Variants in XPR1 observed in about 807,000 individuals in gnomAD.
The protein encoded by XPR1 is xenotropic and polytropic retrovirus receptor 1.
Under a neutral mutation model 87.5 loss-of-function variants are expected in XPR1, and 28 were observed. That is an observed-to-expected ratio of 0.32 (90% CI 0.24 to 0.44). XPR1 has a LOEUF of 0.44. XPR1 is among the 20% of genes least tolerant of loss of function. XPR1 has a pLI of 1.00. For missense variants in XPR1, 559 were observed against 862.3 expected (o/e 0.65, Z 4.41); for synonymous variants, 300 against 306.1 (o/e 0.98, Z 0.21).
chr1:180,817,747 C>T (rs570575662), intron 7 of XPR1, among the ~76,000 whole-genome samples: 1 of 152,060 alleles, frequency 6.6e-6, no homozygotes, highest in Non-Finnish European at 1.5e-5. Flanking sequence ...ACATGGAGTT[C>T]AAAAAACAGG....
At chr1:180,715,370 C>G (rs1164302776) in intron 2 of XPR1, among the ~76,000 whole-genome samples, 1 of 152,084 alleles carries the variant, frequency 6.6e-6, no homozygotes, top group Admixed American at 6.5e-5. Flanking sequence ...CATGCTATAA[C>G]GAATCTTGGA....
At chr1:180,805,438 A>G (rs1033234484) in intron 4 of XPR1, among the ~76,000 whole-genome samples, 2 of 152,202 alleles carry the variant, frequency 1.3e-5, no homozygotes, top group African/African-American at 4.8e-5. Context: ...AGGGACTTCT[A>G]CCCATTATAA....
At chr1:180,664,706 C>T (rs182903794) in intron 1 of XPR1, among the ~76,000 whole-genome samples, 2 of 152,320 alleles carry the variant, frequency 1.3e-5, no homozygotes, top group South Asian at 2.1e-4. Context: ...TAGCACAGCA[C>T]AGGGTCCTGC....
chr1:180,851,084 C>A (rs1256402632), intron 11 of XPR1, among the ~76,000 whole-genome samples: 6 of 151,790 alleles, frequency 4.0e-5, no homozygotes, highest in Non-Finnish European at 7.4e-5. Flanking sequence ...GGCAGAAACA[C>A]ATAGTTTATC....
intron 1 of XPR1, among the ~76,000 whole-genome samples, chr1:180,650,350 C>T (rs561200019): frequency 1.3e-5 from 2 of 152,256 alleles, no homozygotes; most frequent in East Asian, 1.9e-4. Context: ...ATCCTCCTGC[C>T]TCAGCTTCCT....
intron 2 of XPR1, among the ~76,000 whole-genome samples, chr1:180,744,654 C>CTTTTTTTTTTTTTTTTTTTTTTTTTT (rs71121048): frequency 9.8e-6 from 1 of 102,396 alleles, no homozygotes; most frequent in African/African-American, 4.0e-5. Context: ...CAATTTCTTT[C>CTTTTTTTTTTTTTTTTTTTTTTTTTT]TTTTTTTTTT....
chr1:180,849,815 G>A (rs1651805673), intron 11 of XPR1, among the ~76,000 whole-genome samples: 1 of 152,082 alleles, frequency 6.6e-6, no homozygotes, highest in South Asian at 2.1e-4. Flanking sequence ...TTCATAGAGA[G>A]GAATGAGAAA....
chr1:180,829,835 A>G (rs1205194683), intron 9 of XPR1, among the ~76,000 whole-genome samples: 1 of 147,874 alleles, frequency 6.8e-6, no homozygotes. Flanking sequence ...TTTTTTTTAA[A>G]TTTTCATGTC....
At chr1:180,632,896 A>G (rs566840368) in intron 1 of XPR1, among the ~76,000 whole-genome samples, 6 of 152,360 alleles carry the variant, frequency 3.9e-5, no homozygotes, top group African/African-American at 1.4e-4. Flanking sequence ...GTTGTAATCA[A>G]CTATTCTGCT....
intron 1 of XPR1, among the ~76,000 whole-genome samples, chr1:180,648,174 G>A (rs1655181808): frequency 1.3e-5 from 2 of 152,144 alleles, no homozygotes; most frequent in Admixed American, 1.3e-4. Context: ...ACAAATTATT[G>A]TAATTCAGTT....
At chr1:180,877,899 G>A (rs896339619) in intron 13 of XPR1, 2 of 147,800 alleles carry the variant, frequency 1.4e-5, no homozygotes, top group South Asian at 2.2e-4. Context: ...CAAATAAGAC[G>A]ATATAAAGAT....
intron 12 of XPR1, among the ~76,000 whole-genome samples, chr1:180,864,611 A>G (rs895802977): frequency 2.6e-5 from 4 of 152,140 alleles, no homozygotes; most frequent in African/African-American, 9.7e-5. Context: ...ATCAAGTGCC[A>G]TTTCAATCAG....
intron 2 of XPR1, among the ~76,000 whole-genome samples, chr1:180,768,215 C>T (rs936726777): frequency 6.6e-6 from 1 of 151,144 alleles, no homozygotes. Context: ...CTAAGATTTA[C>T]TATAGAGTTT....
chr1:180,675,001 G>C (rs1323320849), intron 1 of XPR1, among the ~76,000 whole-genome samples: 1 of 152,132 alleles, frequency 6.6e-6, no homozygotes, highest in East Asian at 1.9e-4. Context: ...GATTCAGTTT[G>C]TAAGATTTTA....
At chr1:180,839,646 A>G (rs1651435516) in intron 11 of XPR1, among the ~76,000 whole-genome samples, 1 of 152,216 alleles carries the variant, frequency 6.6e-6, no homozygotes, top group Non-Finnish European at 1.5e-5. Context: ...GATTAATAAA[A>G]GAAACGGTTT....
intron 4 of XPR1, among the ~76,000 whole-genome samples, chr1:180,805,790 A>G (rs1649968397): frequency 6.6e-6 from 1 of 152,238 alleles, no homozygotes; most frequent in African/African-American, 2.4e-5. Flanking sequence ...TTTTGAGCTT[A>G]GGACTTTCAT....
Position 180,886,161 on chromosome 1 carries a change from A to G in XPR1, c.*2095A>G, listed in dbSNP as rs1653003537. On this transcript the variant is annotated 3_prime_UTR_variant, in exon 15 of 15. Coordinates refer to ENST00000367590, the MANE Select transcript of XPR1 (RefSeq NM_004736.4). ...ACAATTTAGTGACCCTTGGTAGGTT[A>G]AAGGTTGCATTATTTATACTTGAGA... is the stretch of plus-strand genomic sequence containing the variant. 1 of 152,206 alleles carries G rather than the reference A, an allele frequency of 6.6e-6. No homozygotes were observed. Among genetic ancestry groups the G allele is most frequent in the Admixed American group, 6.5e-5 (1 of 15,280 alleles). The allele number at this position is 152,206 out of a possible 1,614,324, so 9.4% of individuals were successfully genotyped here. A position where few individuals can be genotyped will look rare whatever the true frequency, so the allele number is the denominator to read the frequency against.
Position 180,836,609 on chromosome 1 carries a change from G to A in XPR1, c.1394G>A (p.Arg465His), listed in dbSNP as rs1267198132. The change falls in exon 11 of 15, where the codon CGC becomes CAC. Residue 465 changes from arginine to histidine, a missense_variant. Arg to His is a conservative substitution (Grantham distance 29). This residue lies in a region of XPR1 where 264 missense variants were observed against 377.2 expected (regional missense o/e 0.70). Coordinates refer to ENST00000367590, the MANE Select transcript of XPR1 (RefSeq NM_004736.4). ...TGGCTTCGCTTCATCCAGTGCCTGC[G>A]CCGATATCGAGACACAAAAAGGGCC... Reference protein sequence around the residue: ...PAWLRFIQCLRRYRDTKRAFP... With the variant: ...PAWLRFIQCLHRYRDTKRAFP... 3 of 1,613,928 alleles carry A rather than the reference G, an allele frequency of 1.9e-6. No individual in the cohort carries two copies. The highest frequency in any genetic ancestry group is 1.7e-5 in the Admixed American group (1 of 59,982).
intron 2 of XPR1, among the ~76,000 whole-genome samples, chr1:180,744,146 C>G (rs1659006318): frequency 6.6e-6 from 1 of 152,192 alleles, no homozygotes; most frequent in African/African-American, 2.4e-5. Context: ...CTGAGATCCT[C>G]CCTCTTCCTC....
Sources: allele counts gnomAD v4.1 joint callset (sites outside exome capture counted in the v4.1 genomes callset), GRCh38; gene constraint gnomAD v4.1.1; regional missense constraint gnomAD v4.1.1; transcripts MANE v1.5; gene names NCBI Gene and HGNC (gene_info 2026-07-23, HGNC 2026-07-21).